Variants in NRBF2 observed in about 807,000 individuals in gnomAD.
NRBF2 encodes the protein nuclear receptor binding factor 2, also known as nuclear receptor-binding factor 2.
NRBF2 carries 12 observed loss-of-function variants against 28.5 expected under a neutral mutation model. That is an observed-to-expected ratio of 0.42 (90% CI 0.27 to 0.68). The LOEUF (loss-of-function observed/expected upper bound fraction) is 0.68, where lower values mean the gene tolerates loss of function less well. Among genes scored for constraint, NRBF2 ranks in the 30% least tolerant of loss-of-function variants. The pLI is 0.24. For synonymous variants in NRBF2, 102 were observed against 116.5 expected (o/e 0.88, Z 0.80); for missense variants, 274 against 333.5 (o/e 0.82, Z 1.39).
At chr10:63,153,289 A>G (rs891965596) in intron 3 of NRBF2, among the ~76,000 whole-genome samples, 4 of 152,214 alleles carry the variant, frequency 2.6e-5, no homozygotes, top group African/African-American at 9.7e-5. Flanking sequence ...TTTGAGTACA[A>G]ATGACATTAC....
At chr10:63,139,700 C>T (rs1294657754) in intron 1 of NRBF2, among the ~76,000 whole-genome samples, 1 of 152,162 alleles carries the variant, frequency 6.6e-6, no homozygotes, top group Non-Finnish European at 1.5e-5. Flanking sequence ...GGCTTGTCTG[C>T]TTCACTCCTC....
intron 1 of NRBF2, among the ~76,000 whole-genome samples, chr10:63,144,459 G>A (rs1030782112): frequency 1.4e-5 from 2 of 142,790 alleles, no homozygotes; most frequent in African/African-American, 2.6e-5. Flanking sequence ...CTGTCACCCA[G>A]GCTGGAGTGG....
intron 1 of NRBF2, among the ~76,000 whole-genome samples, chr10:63,137,214 A>G (rs1004409449): frequency 3.9e-5 from 6 of 152,198 alleles, no homozygotes; most frequent in East Asian, 1.9e-4. Context: ...GCCTCAAGCA[A>G]TCTTCCTGTC....
chr10:63,147,611 C>CTTTTTT (rs56136949), intron 2 of NRBF2, among the ~76,000 whole-genome samples: 1 of 134,142 alleles, frequency 7.5e-6, no homozygotes, highest in Non-Finnish European at 1.6e-5. Context: ...TGCTCTCAGC[C>CTTTTTT]TTTTTTTTTT....
At chr10:63,138,112 C>T (rs769907588) in intron 1 of NRBF2, among the ~76,000 whole-genome samples, 10 of 151,784 alleles carry the variant, frequency 6.6e-5, no homozygotes, top group Admixed American at 1.3e-4. Context: ...GGTAGGTCAC[C>T]GAGACCAGCC....
In NRBF2 at chr10:63,154,829, T is replaced by C. The variant is rs1841709057; in HGVS notation, c.*611T>C. 6.6e-6 allele frequency: 1 copy of C among 152,662 alleles called. No homozygotes were observed. Among genetic ancestry groups the C allele is most frequent in the Non-Finnish European group, 1.5e-5 (1 of 68,046 alleles). 9.5% of individuals were successfully genotyped at this position (152,662 alleles called of 1,614,324 possible). On this transcript the variant is annotated 3_prime_UTR_variant, in exon 4 of 4. Coordinates refer to ENST00000277746, the MANE Select transcript of NRBF2 (RefSeq NM_030759.5). ...TTTTATGAAGAAAGGAACCAAATTA[T>C]TATGCTTTTTAAAACAAATTACCAG...
Position 63,154,304 on chromosome 10 carries a change from T to G in NRBF2, c.*86T>G. On this transcript the variant is annotated 3_prime_UTR_variant, in exon 4 of 4. Transcript: ENST00000277746. Reference sequence around the variant, plus strand: ...AAAGAAATGAAAAGGGAAAACCACATAGAAGGGTAATCCCGGAAATGCTTC... The same window carrying G: ...AAAGAAATGAAAAGGGAAAACCACAGAGAAGGGTAATCCCGGAAATGCTTC... 2 of 883,816 alleles carry G rather than the reference T, an allele frequency of 2.3e-6. No homozygotes were observed. The highest frequency in any genetic ancestry group is 1.8e-5 in the South Asian group (1 of 56,388). 54.7% of individuals were successfully genotyped at this position (883,816 alleles called of 1,614,324 possible).
chr10:63,133,860 A>G (rs1589014513), intron 1 of NRBF2, among the ~76,000 whole-genome samples: 1 of 152,170 alleles, frequency 6.6e-6, no homozygotes, highest in South Asian at 2.1e-4. Flanking sequence ...GCCAAGGCAG[A>G]AATGGTGTGA....
chr10:63,150,251 C>T (rs780725095), intron 2 of NRBF2: 9 of 379,322 alleles, frequency 2.4e-5, no homozygotes, highest in Non-Finnish European at 2.9e-5. Flanking sequence ...CACACCCGGC[C>T]GTCTTCACAG....
chr10:63,151,735 G>T (rs954836748), intron 2 of NRBF2, among the ~76,000 whole-genome samples: 3 of 152,170 alleles, frequency 2.0e-5, no homozygotes, highest in African/African-American at 7.2e-5. Flanking sequence ...CATTAAAAGT[G>T]ATTCTATAGG....
intron 1 of NRBF2, among the ~76,000 whole-genome samples, chr10:63,138,878 C>T (rs963847636): frequency 6.6e-6 from 1 of 152,122 alleles, no homozygotes; most frequent in Admixed American, 6.6e-5. Flanking sequence ...TTGTAGGAGA[C>T]GCACATTGAT....
intron 2 of NRBF2, among the ~76,000 whole-genome samples, chr10:63,151,912 T>TA (rs1841656876): frequency 6.6e-6 from 1 of 152,234 alleles, no homozygotes; most frequent in Admixed American, 6.5e-5. Context: ...TTCTGAATTA[T>TA]AAAATCTGTA....
At chr10:63,143,320 G>T (rs1296271252) in intron 1 of NRBF2, among the ~76,000 whole-genome samples, 1 of 152,196 alleles carries the variant, frequency 6.6e-6, no homozygotes, top group Non-Finnish European at 1.5e-5. Context: ...TTTATACTGA[G>T]TATGATTTGT....
rs769937890 is a variant in NRBF2 at position 63,153,846 on chromosome 10, T to C, written c.492T>C (p.Asp164=). The C allele has an allele frequency of 1.9e-6, 3 of 1,612,192 alleles. No individual in the cohort carries two copies. The highest frequency in any genetic ancestry group is 2.5e-6 in the Non-Finnish European group (3 of 1,179,772). ...PCIGSKAPKD[D]KTIIEEQATK... ...TTGGAAGCAAAGCCCCAAAAGATGA[T>C]AAAACAATTATAGAGGAGCAGGCAA... The change falls in exon 4 of 4, where the codon GAT becomes GAC. Residue 164 remains aspartate, a synonymous_variant. Coordinates refer to ENST00000277746, the MANE Select transcript of NRBF2 (RefSeq NM_030759.5).
rs192457937 is a variant in NRBF2, at chr10:63,136,809, T to C, written c.30+3309T>C. Among the ~76,000 whole-genome samples the C allele has an allele frequency of 2.1e-3, 314 of 152,320 alleles. 1 individual carries two copies. Among genetic ancestry groups the C allele is most frequent in the South Asian group, 3.5e-3 (17 of 4,822 alleles). ...CCAGTATTGATTCTTTTATGTTAGG[T>C]TTGGCAGTAAGGGCCTTAGAAATTC... is the stretch of plus-strand genomic sequence containing the variant. On this transcript the variant is annotated intron_variant, in intron 1 of 3. Transcript: ENST00000277746.
At chr10:63,146,648 C>T (rs1841565789) in intron 2 of NRBF2, among the ~76,000 whole-genome samples, 1 of 152,182 alleles carries the variant, frequency 6.6e-6, no homozygotes, top group African/African-American at 2.4e-5. Flanking sequence ...AATAGTAATT[C>T]AATTCAATTC....
chr10:63,150,712 T>C (rs762066467), intron 2 of NRBF2, among the ~76,000 whole-genome samples: 1 of 152,234 alleles, frequency 6.6e-6, no homozygotes, highest in Non-Finnish European at 1.5e-5. Flanking sequence ...AATGTAATAA[T>C]AGAAATAAAT....
intron 2 of NRBF2, among the ~76,000 whole-genome samples, chr10:63,148,870 G>C (rs1340633447): frequency 6.6e-6 from 1 of 152,168 alleles, no homozygotes; most frequent in Non-Finnish European, 1.5e-5. Context: ...CCTGAAATAA[G>C]TTAATAGCCA....
intron 1 of NRBF2, among the ~76,000 whole-genome samples, chr10:63,140,765 A>G (rs187257550): frequency 9.2e-5 from 14 of 151,696 alleles, no homozygotes; most frequent in African/African-American, 2.2e-4. Flanking sequence ...CAGTGGCGCA[A>G]TCTCGGCTCA....
Sources: gnomAD v4.1 joint callset for allele counts (sites outside exome capture counted in the v4.1 genomes callset) on GRCh38, gnomAD v4.1.1 for gene constraint, MANE v1.5 for transcripts, NCBI Gene and HGNC (gene_info 2026-07-23, HGNC 2026-07-21) for gene names.